Variants in SLC9A9 observed in about 807,000 individuals in gnomAD.
The protein encoded by SLC9A9 is sodium/hydrogen exchanger 9.
SLC9A9 carries 62 observed loss-of-function variants against 77.8 expected under a neutral mutation model. That is an observed-to-expected ratio of 0.80 (90% CI 0.65 to 0.98). The LOEUF (loss-of-function observed/expected upper bound fraction) is 0.98, where lower values mean the gene tolerates loss of function less well. SLC9A9 is among the 50% of genes least tolerant of loss of function. The pLI is 0.00. For missense variants in SLC9A9, 775 were observed against 774.9 expected (o/e 1.00, Z 0.00); for synonymous variants, 320 against 283.5 (o/e 1.13, Z -1.29).
intron 13 of SLC9A9, among the ~76,000 whole-genome samples, chr3:143,380,380 G>T (rs904483499): frequency 2.2e-4 from 33 of 151,862 alleles, no homozygotes; most frequent in African/African-American, 7.9e-4. Flanking sequence ...AGAAGACAGA[G>T]AATTTTATTT....
chr3:143,544,654 A>C (rs1287171874), intron 9 of SLC9A9, among the ~76,000 whole-genome samples: 1 of 152,188 alleles, frequency 6.6e-6, no homozygotes, highest in African/African-American at 2.4e-5. Context: ...TTTGCTGTGC[A>C]GAAGCTCTTC....
At chr3:143,459,671 C>T (rs546326343) in intron 12 of SLC9A9, among the ~76,000 whole-genome samples, 51 of 152,032 alleles carry the variant, frequency 3.4e-4, no homozygotes, top group Non-Finnish European at 5.7e-4. Context: ...TTATAGACAA[C>T]TTTATAGGGT....
intron 14 of SLC9A9, among the ~76,000 whole-genome samples, chr3:143,298,069 G>T (rs1578272325): frequency 6.6e-6 from 1 of 152,208 alleles, no homozygotes; most frequent in African/African-American, 2.4e-5. Flanking sequence ...GCAAAGAATG[G>T]CTTTTTTATT....
intron 6 of SLC9A9, among the ~76,000 whole-genome samples, chr3:143,588,983 A>G (rs948322550): frequency 2.6e-5 from 4 of 152,228 alleles, no homozygotes; most frequent in Non-Finnish European, 4.4e-5. Context: ...AGATATAAAA[A>G]GGTATGGAAA....
At chr3:143,665,286 A>G (rs1291966084) in intron 5 of SLC9A9, among the ~76,000 whole-genome samples, 3 of 152,252 alleles carry the variant, frequency 2.0e-5, no homozygotes, top group Non-Finnish European at 2.9e-5. Context: ...TTTGAAATGA[A>G]TGAGAACAAA....
chr3:143,381,998 A>G, intron 13 of SLC9A9, 62 bp downstream of exon 13: 3 of 1,587,720 alleles, frequency 1.9e-6, no homozygotes, highest in Non-Finnish European at 2.6e-6. Flanking sequence ...ACAAACATGG[A>G]ACAGCCTATG....
intron 11 of SLC9A9, among the ~76,000 whole-genome samples, chr3:143,478,207 G>A (rs1399370094): frequency 6.6e-6 from 1 of 152,242 alleles, no homozygotes; most frequent in Non-Finnish European, 1.5e-5. Flanking sequence ...CCTGAGAGGA[G>A]TGCATTTTAA....
intron 9 of SLC9A9, among the ~76,000 whole-genome samples, chr3:143,549,608 C>A (rs2036846285): frequency 6.6e-6 from 1 of 152,112 alleles, no homozygotes; most frequent in Admixed American, 6.5e-5. Flanking sequence ...AAAGAGAATT[C>A]TGTAAAAATG....
intron 8 of SLC9A9, among the ~76,000 whole-genome samples, chr3:143,571,986 T>C (rs1194775173): frequency 6.6e-6 from 1 of 152,252 alleles, no homozygotes; most frequent in Non-Finnish European, 1.5e-5. Context: ...GCACATTGCC[T>C]AAATCTAGTG....
At chr3:143,547,667 C>A (rs2036811692) in intron 9 of SLC9A9, among the ~76,000 whole-genome samples, 1 of 152,204 alleles carries the variant, frequency 6.6e-6, no homozygotes, top group South Asian at 2.1e-4. Context: ...CCTGTCATTC[C>A]CAGTTTCTCT....
At chr3:143,405,903 A>T (rs2033966798) in intron 12 of SLC9A9, among the ~76,000 whole-genome samples, 1 of 152,244 alleles carries the variant, frequency 6.6e-6, no homozygotes, top group African/African-American at 2.4e-5. Context: ...GATTCTCTAC[A>T]TACCTTTAGA....
At chr3:143,553,249 A>G (rs1458972394) in intron 8 of SLC9A9, among the ~76,000 whole-genome samples, 1 of 152,004 alleles carries the variant, frequency 6.6e-6, no homozygotes, top group African/African-American at 2.4e-5. Flanking sequence ...CGACCATGAG[A>G]CCGACATGCT....
chr3:143,624,744 G>T (rs369053431), intron 6 of SLC9A9, among the ~76,000 whole-genome samples: 47 of 152,220 alleles, frequency 3.1e-4, no homozygotes, highest in African/African-American at 1.1e-3. Flanking sequence ...CTATTCAACA[G>T]AGTGTTGGAA....
chr3:143,561,274 A>C (rs1228382454), intron 8 of SLC9A9, among the ~76,000 whole-genome samples: 2 of 152,216 alleles, frequency 1.3e-5, no homozygotes, highest in Non-Finnish European at 2.9e-5. Flanking sequence ...TTTATACCAC[A>C]TACCCTATCA....
chr3:143,809,088 C>A (rs903776121), intron 2 of SLC9A9, among the ~76,000 whole-genome samples: 7 of 152,232 alleles, frequency 4.6e-5, no homozygotes, highest in Middle Eastern at 3.4e-3. Context: ...TATATCAATG[C>A]ATATTTGAAA....
At chr3:143,668,512 C>G (rs1576647093) in intron 5 of SLC9A9, among the ~76,000 whole-genome samples, 1 of 152,126 alleles carries the variant, frequency 6.6e-6, no homozygotes, top group South Asian at 2.1e-4. Context: ...AAGAAAGTAG[C>G]ATTTTAAAAA....
chr3:143,537,407 C>A (rs2036607816), intron 9 of SLC9A9, among the ~76,000 whole-genome samples: 1 of 152,198 alleles, frequency 6.6e-6, no homozygotes, highest in Non-Finnish European at 1.5e-5. Context: ...CTGCACCAAC[C>A]TGCCCTTGCT....
At chr3:143,380,181 A>G (rs2033271763) in intron 13 of SLC9A9, among the ~76,000 whole-genome samples, 1 of 152,238 alleles carries the variant, frequency 6.6e-6, no homozygotes, top group Non-Finnish European at 1.5e-5. Context: ...TTCTCTAATA[A>G]AAAAGTAACT....
chr3:143,648,516 C>T (rs1428458034), intron 6 of SLC9A9, among the ~76,000 whole-genome samples: 22 of 152,188 alleles, frequency 1.4e-4, no homozygotes, highest in Admixed American at 1.4e-3. Flanking sequence ...TGCTGTGTGG[C>T]CCAGTTCCTA....
Sources: allele counts gnomAD v4.1 joint callset (sites outside exome capture counted in the v4.1 genomes callset), GRCh38; gene constraint gnomAD v4.1.1; transcripts MANE v1.5; gene names NCBI Gene and HGNC (gene_info 2026-07-23, HGNC 2026-07-21).